The following LRRK2 variants were observed in gnomAD, a reference collection of about 807,000 sequenced individuals.
LRRK2 encodes leucine-rich repeat serine/threonine-protein kinase 2.
A neutral mutation model predicts 302.6 loss-of-function variants in LRRK2; 203 were observed. The ratio of observed to expected loss-of-function variants is 0.67; its 90% CI spans 0.60 to 0.75. The LOEUF is 0.75. LRRK2 is among the 30% of genes least tolerant of loss of function. The pLI is 0.00. For synonymous variants in LRRK2, 1,066 were observed against 1,031.9 expected, an observed-to-expected ratio of 1.03 and a Z score of -0.63; for missense variants, 2,830 against 2,951.0, an observed-to-expected ratio of 0.96 and a Z score of 0.95.
At chr12:40,267,982 A>G (rs1273605541) in intron 14 of LRRK2, among the ~76,000 whole-genome samples, 2 of 152,092 alleles carry the variant, frequency 1.3e-5, no homozygotes, top group African/African-American at 4.8e-5. Flanking sequence ...ACTCTGATTT[A>G]TAAAGCAGAG....
intron 27 of LRRK2, chr12:40,304,854 A>T (rs1489119391): frequency 1.3e-5 from 2 of 152,058 alleles, no homozygotes; most frequent in South Asian, 2.1e-4. Flanking sequence ...TACTTTTGTG[A>T]TATACTTTTA....
At position 40,302,873 on chromosome 12, in the gene LRRK2, A is replaced by G; in HGVS notation, c.3581A>G (p.Asn1194Ser). 6.4e-7 allele frequency: 1 copy of G among 1,567,660 alleles called. No individual in the cohort carries two copies. The highest frequency in any genetic ancestry group is 8.8e-7 in the Non-Finnish European group (1 of 1,138,126). ...TCCTGTATTCCAGAAGCAATTTTAA[A>G]TCTTCCACAGTAAGTTTATTGTTAT... Reference protein sequence around the residue: ...KFSCIPEAILNLPHLRSLDMS... With the variant: ...KFSCIPEAILSLPHLRSLDMS... The change falls in exon 26 of 51, where the codon AAT (asparagine) becomes AGT (serine). Residue 1194 changes from asparagine (N) to serine (S), a missense_variant. Asn to Ser is a conservative substitution (Grantham distance 46). This residue lies in a region of LRRK2 where 2,121 missense variants were observed against 2,148.0 expected (regional missense o/e 0.99). Transcript: ENST00000298910.
rs747754465 is a variant in LRRK2 at position 40,225,126 on chromosome 12, G to A, written c.-6G>A. 2.5e-6 allele frequency: 4 copies of A among 1,613,748 alleles called. No individual in the cohort carries two copies. The South Asian group carries it at 3.3e-5, about 13-fold the overall frequency. On this transcript the variant is annotated 5_prime_UTR_variant, in exon 1 of 51. Transcript: ENST00000298910. The stretch of plus-strand genomic sequence containing the variant: ...GGAGGGCGGCGGGTTGGAAGCAGGT[G>A]CCACCATGGCTAGTGGCAGCTGTCA...
intron 20 of LRRK2, among the ~76,000 whole-genome samples, chr12:40,291,298 AG>A (rs1447695720): frequency 2.0e-5 from 3 of 151,686 alleles, no homozygotes; most frequent in Admixed American, 1.3e-4. Flanking sequence ...GGGAAGGGGG[AG>A]GGATAGCATT....
intron 14 of LRRK2, among the ~76,000 whole-genome samples, chr12:40,270,253 C>G (rs1943177850): frequency 6.6e-6 from 1 of 151,980 alleles, no homozygotes; most frequent in African/African-American, 2.4e-5. Flanking sequence ...TCCTGTTTTC[C>G]CACCTACTTT....
intron 14 of LRRK2, among the ~76,000 whole-genome samples, chr12:40,270,213 G>A (rs556942286): frequency 6.6e-6 from 1 of 152,192 alleles, no homozygotes; most frequent in African/African-American, 2.4e-5. Context: ...TAGAAGATGA[G>A]GAAATCAGAG....
chr12:40,337,704 G>C (rs6581667), intron 40 of LRRK2, among the ~76,000 whole-genome samples: 76,889 of 152,030 alleles, frequency 0.51, 19,510 homozygotes, highest in South Asian at 0.59. Flanking sequence ...ATCTGTTTAT[G>C]CTTGCAATTC....
chr12:40,348,013 T>C (rs1369055433), intron 42 of LRRK2, among the ~76,000 whole-genome samples: 1 of 152,110 alleles, frequency 6.6e-6, no homozygotes. Flanking sequence ...ACGCCTCTTA[T>C]AAAAAACAAA....
intron 25 of LRRK2, among the ~76,000 whole-genome samples, chr12:40,300,047 C>A (rs988556236): frequency 1.3e-5 from 2 of 152,110 alleles, no homozygotes; most frequent in Non-Finnish European, 2.9e-5. Flanking sequence ...GCTGCCTGAG[C>A]TGGGTAAGGC....
chr12:40,356,812 A>AT (rs946275916), intron 46 of LRRK2, among the ~76,000 whole-genome samples: 1 of 152,110 alleles, frequency 6.6e-6, no homozygotes, highest in African/African-American at 2.4e-5. Flanking sequence ...TATGACCTAA[A>AT]TTTTTTTATG....
intron 6 of LRRK2, among the ~76,000 whole-genome samples, chr12:40,242,592 C>T (rs1941780704): frequency 6.6e-6 from 1 of 151,582 alleles, no homozygotes; most frequent in Non-Finnish European, 1.5e-5. Context: ...ATTGGTTGCC[C>T]TTCTGGAATG....
At chr12:40,261,982 C>T (rs369237342) in intron 13 of LRRK2, among the ~76,000 whole-genome samples, 1 of 151,994 alleles carries the variant, frequency 6.6e-6, no homozygotes, top group African/African-American at 2.4e-5. Flanking sequence ...GACCCAGTTA[C>T]TTTAATAAAA....
rs111612315 is a variant in LRRK2, at chr12:40,359,242, C to CA, written c.6844-18_6844-17insA. ...ATACTCAATTTGCTGAGTGTGTTTT[C>CA]TTTTTTTTTTGGCAAAGCTTAAAGG... On this transcript the variant is annotated splice_polypyrimidine_tract_variant and intron_variant, in intron 46 of 50. Coordinates refer to ENST00000298910, the MANE Select transcript of LRRK2 (RefSeq NM_198578.4). 2 of 1,283,834 alleles carry CA rather than the reference C, an allele frequency of 1.6e-6. No homozygotes were observed. Among genetic ancestry groups the CA allele is most frequent in the Non-Finnish European group, 2.2e-6 (2 of 919,642 alleles). 79.5% of individuals were successfully genotyped at this position (1,283,834 alleles called of 1,614,324 possible). A position where few individuals can be genotyped will look rare whatever the true frequency, so the allele number is the denominator to read the frequency against.
At chr12:40,245,131 T>C (rs912212967) in intron 7 of LRRK2, among the ~76,000 whole-genome samples, 43 of 152,264 alleles carry the variant, frequency 2.8e-4, no homozygotes, top group African/African-American at 9.9e-4. Flanking sequence ...TTTATGTATC[T>C]TGTTTAAGAA....
chr12:40,326,574 G>A (rs1945559928), intron 38 of LRRK2, among the ~76,000 whole-genome samples: 1 of 151,786 alleles, frequency 6.6e-6, no homozygotes, highest in Non-Finnish European at 1.5e-5. Context: ...ATGCTGCATT[G>A]CAATTTTTCT....
rs941218392 is a variant in LRRK2, at chr12:40,309,123, A to G, written c.4207A>G (p.Ser1403Gly). 2.5e-6 allele frequency: 4 copies of G among 1,613,870 alleles called. No individual in the cohort carries two copies. Among genetic ancestry groups the G allele is most frequent in the South Asian group, 2.2e-5 (2 of 91,062 alleles). ...WDFAGREEFYSTHPHFMTQRA... is the reference protein window; with the variant it reads ...WDFAGREEFYGTHPHFMTQRA... ...TTATTTAGGTCGTGAGGAATTCTATAGTACTCATCCCCATTTTATGACGCA... is the reference window on the plus strand; with the variant it reads ...TTATTTAGGTCGTGAGGAATTCTATGGTACTCATCCCCATTTTATGACGCA... The change falls in exon 30 of 51, where the codon AGT becomes GGT. Residue 1403 changes from serine to glycine, a missense_variant. Coordinates refer to ENST00000298910, the MANE Select transcript of LRRK2 (RefSeq NM_198578.4).
chr12:40,294,641 A>G (rs1267560594), intron 21 of LRRK2, among the ~76,000 whole-genome samples: 1 of 152,052 alleles, frequency 6.6e-6, no homozygotes, highest in African/African-American at 2.4e-5. Context: ...AAGGAGAAAG[A>G]GTAGATGCTT....
At chr12:40,322,798 G>A (rs1304642579) in intron 37 of LRRK2, among the ~76,000 whole-genome samples, 1 of 151,816 alleles carries the variant, frequency 6.6e-6, no homozygotes, top group Non-Finnish European at 1.5e-5. Flanking sequence ...CTGTTATAAA[G>A]ATTCAAATAG....
intron 19 of LRRK2, among the ~76,000 whole-genome samples, chr12:40,284,959 T>C (rs531962533): frequency 3.3e-5 from 5 of 152,096 alleles, no homozygotes; most frequent in Non-Finnish European, 7.4e-5. Context: ...GAAAACTGAG[T>C]GCTGCTAGAG....
Sources: allele counts gnomAD v4.1 joint callset (sites outside exome capture counted in the v4.1 genomes callset), GRCh38; gene constraint gnomAD v4.1.1; regional missense constraint gnomAD v4.1.1; transcripts MANE v1.5; gene names NCBI Gene and HGNC (gene_info 2026-07-23, HGNC 2026-07-21).